The following ADAMTS2 variants were observed in gnomAD, a reference collection of about 807,000 sequenced individuals.
ADAMTS2 encodes A disintegrin and metalloproteinase with thrombospondin motifs 2.
In ADAMTS2, 50 loss-of-function variants were observed where a neutral mutation model predicts 123.0. The observed-to-expected ratio is 0.41, with a 90% CI of 0.32 to 0.51. ADAMTS2 has a LOEUF of 0.51. Among genes scored for constraint, ADAMTS2 ranks in the 20% least tolerant of loss-of-function variants. The pLI is 0.35. For missense variants in ADAMTS2, 1,494 were observed against 1,705.2 expected (o/e 0.88, Z 2.18); for synonymous variants, 678 against 695.4 (o/e 0.98, Z 0.39).
At position 179,115,239 on chromosome 5, in the gene ADAMTS2, C is replaced by A. The variant is rs1021199930; in HGVS notation, c.3179-915G>T. ...CCTGGCCCATCTCGACCTCTGTCTG[C>A]GGCTATGTTCATTCAACCCATCAAC... is the stretch of plus-strand genomic sequence containing the variant. On this transcript the variant is annotated intron_variant, in intron 21 of 21. Coordinates refer to ENST00000251582, the MANE Select transcript of ADAMTS2 (RefSeq NM_014244.5). This position sits in a 1 kb window ranked among gnomAD's most constrained non-coding sequence, Gnocchi z 4.4. Among the ~76,000 whole-genome samples, 2 of 152,132 alleles carry A rather than the reference C, an allele frequency of 1.3e-5. No homozygotes were observed. The highest frequency in any genetic ancestry group is 2.9e-5 in the Non-Finnish European group (2 of 68,032).
chr5:179,112,009 C>CCAT lies in ADAMTS2; in HGVS notation c.*1855_*1857dup, dbSNP rs1331706989. 1.3e-5 allele frequency: 2 copies of CCAT among 152,346 alleles called. No homozygotes were observed. Among genetic ancestry groups the CCAT allele is most frequent in the Non-Finnish European group, 2.9e-5 (2 of 68,096 alleles). 9.4% of individuals were successfully genotyped at this position (152,346 alleles called of 1,614,324 possible). On this transcript the variant is annotated 3_prime_UTR_variant, in exon 22 of 22. Coordinates refer to ENST00000251582, the MANE Select transcript of ADAMTS2 (RefSeq NM_014244.5). Reference sequence around the variant, plus strand: ...GCGGTGGTGGAGGGCGGGAGGCTAGCCATCACCCAGGTGGAGACTGAAGCA... The same window carrying CCAT: ...GCGGTGGTGGAGGGCGGGAGGCTAGCCATCATCACCCAGGTGGAGACTGAAGCA...
At chr5:179,222,135 T>A (rs994071745) in intron 3 of ADAMTS2, among the ~76,000 whole-genome samples, 9 of 152,100 alleles carry the variant, frequency 5.9e-5, no homozygotes, top group African/African-American at 2.2e-4. Flanking sequence ...TCCAGAAGCC[T>A]GAGTTTGGGG....
chr5:179,214,304 G>C (rs979592486), intron 3 of ADAMTS2, among the ~76,000 whole-genome samples: 5 of 151,894 alleles, frequency 3.3e-5, no homozygotes, highest in African/African-American at 7.3e-5. Context: ...CCATTACTGA[G>C]ACAAAATCAG....
chr5:179,188,798 G>C lies in ADAMTS2; in HGVS notation c.892-7643C>G, dbSNP rs1162616467. ...TGCAGATGCCTCAGGGTGGGGACGG[G>C]GCTCCTCCACTTCCAGGCCAGCTCA... On this transcript the variant is annotated intron_variant, in intron 4 of 21. Transcript: ENST00000251582. The surrounding 1 kb of genome is among the most constrained non-coding windows in gnomAD (Gnocchi z 5.1). Among the ~76,000 whole-genome samples, 1 of 152,092 alleles carries C rather than the reference G, an allele frequency of 6.6e-6. No homozygotes were observed. Among genetic ancestry groups the C allele is most frequent in the Non-Finnish European group, 1.5e-5 (1 of 68,010 alleles).
chr5:179,243,383 T>C (rs942831900), intron 3 of ADAMTS2, among the ~76,000 whole-genome samples: 4 of 152,032 alleles, frequency 2.6e-5, no homozygotes, highest in Non-Finnish European at 5.9e-5. Context: ...AACAGACAGA[T>C]CAGAGAAAGG....
rs1043375871 is a variant in ADAMTS2, at chr5:179,128,542, G to A, written c.2458-424C>T. 3.9e-5 allele frequency among the ~76,000 whole-genome samples: 6 copies of A among 152,010 alleles called. No individual in the cohort carries two copies. The highest frequency in any genetic ancestry group is 5.9e-5 in the Non-Finnish European group (4 of 68,008). On this transcript the variant is annotated intron_variant, in intron 16 of 21. Coordinates refer to ENST00000251582, the MANE Select transcript of ADAMTS2 (RefSeq NM_014244.5). This position sits in a 1 kb window ranked among gnomAD's most constrained non-coding sequence, Gnocchi z 4.9. ...TGAGTAGCTGGGATTACAGGCGCCCGCCACCACGCCTGGCTAATTTTTGTA... is the reference window on the plus strand; with the variant it reads ...TGAGTAGCTGGGATTACAGGCGCCCACCACCACGCCTGGCTAATTTTTGTA...
At position 179,345,340 on chromosome 5, in the gene ADAMTS2, T is replaced by TGCAGCCGGGGCCCCGCACTC; in HGVS notation, c.-32_-13dup. 8.9e-7 allele frequency: 1 copy of TGCAGCCGGGGCCCCGCACTC among 1,129,698 alleles called. No individual in the cohort carries two copies. Among genetic ancestry groups the TGCAGCCGGGGCCCCGCACTC allele is most frequent in the Non-Finnish European group, 1.1e-6 (1 of 922,726 alleles). The allele number at this position is 1,129,698 out of a possible 1,614,324, so 70.0% of individuals were successfully genotyped here. ...GCCGGCGGATCCATGGCAGCCGGAC[T>TGCAGCCGGGGCCCCGCACTC]GCAGCCGGGGCCCCGCACTCGCAGC... On this transcript the variant is annotated 5_prime_UTR_variant, in exon 1 of 22. Transcript: ENST00000251582. The surrounding 1 kb of genome is among the most constrained non-coding windows in gnomAD (Gnocchi z 7.5).
chr5:179,275,266 A>G (rs2113517942), intron 2 of ADAMTS2, among the ~76,000 whole-genome samples: 1 of 152,242 alleles, frequency 6.6e-6, no homozygotes, highest in East Asian at 1.9e-4. Flanking sequence ...GTAATGGTCC[A>G]GACGGGAGCA....
At position 179,114,293 on chromosome 5, in the gene ADAMTS2, G is replaced by T. The variant is rs1445251905; in HGVS notation, c.3210C>A (p.Phe1070Leu). The T allele has an allele frequency of 1.2e-6, 2 of 1,614,010 alleles. No individual in the cohort carries two copies. Among genetic ancestry groups the T allele is most frequent in the African/African-American group, 2.7e-5 (2 of 74,934 alleles). The change falls in exon 22 of 22, where the codon TTC becomes TTA. Residue 1070 changes from phenylalanine to leucine, a missense_variant. Physicochemically the swap from Phe to Leu is conservative, Grantham distance 22. Around this residue, in one of 6 missense-constraint regions of ADAMTS2, gnomAD observed 953 missense variants for 1,124.7 expected, o/e 0.85. Coordinates refer to ENST00000251582, the MANE Select transcript of ADAMTS2 (RefSeq NM_014244.5). ...KGHCQGDKSI[F>L]CRMEVLSRYC... ...AGCGGGACAAGACTTCCATCCTACA[G>T]AATATTGACTTGTCGCCTTGGCAGT...
intron 2 of ADAMTS2, among the ~76,000 whole-genome samples, chr5:179,342,140 A>G (rs753243942): frequency 8.5e-5 from 13 of 152,196 alleles, no homozygotes; most frequent in Non-Finnish European, 1.5e-4. Flanking sequence ...TGAAAAATGA[A>G]TCACCAAATG....
Position 179,121,712 on chromosome 5 carries a change from G to A in ADAMTS2, c.3127C>T (p.Gln1043Ter). ...TCGGGGTCCGGGCGGGACAGCCACT[G>A]AACTACGTAGCTCTTCTTGGAGGGA... ...SDPSKKSYVV[Q>*]WLSRPDPDSP... Residue 1043 changes from glutamine (Q) to a stop codon, truncating the protein, a stop_gained, in exon 21 of 22, where the codon CAG becomes TAG. Transcript: ENST00000251582. LOFTEE classifies it high-confidence loss of function. 1 of 1,594,914 alleles carries A rather than the reference G, an allele frequency of 6.3e-7. No homozygotes were observed. The highest frequency in any genetic ancestry group is 8.5e-7 in the Non-Finnish European group (1 of 1,170,800).
chr5:179,125,195 C>T lies in ADAMTS2; in HGVS notation c.2751-15G>A, dbSNP rs376602983. ...CTGTGACCCACCTGCCAGGGCAGAG[C>T]GGGGCACAGTCAGGCTTCCGCAGCA... On this transcript the variant is annotated splice_polypyrimidine_tract_variant and intron_variant, in intron 18 of 21. Coordinates refer to ENST00000251582, the MANE Select transcript of ADAMTS2 (RefSeq NM_014244.5). The T allele has an allele frequency of 1.6e-4, 251 of 1,610,746 alleles. No individual in the cohort carries two copies. Among genetic ancestry groups the T allele is most frequent in the Non-Finnish European group, 2.0e-4 (240 of 1,179,362 alleles).
In ADAMTS2 at chr5:179,285,940, A is replaced by G. The variant is rs1028186027; in HGVS notation, c.535-12876T>C. Among the ~76,000 whole-genome samples the G allele has an allele frequency of 1.4e-4, 21 of 152,132 alleles. No individual in the cohort carries two copies. The highest frequency in any genetic ancestry group is 9.2e-4 in the Admixed American group (14 of 15,274). On this transcript the variant is annotated intron_variant, in intron 2 of 21. Transcript: ENST00000251582. The surrounding 1 kb of genome is among the most constrained non-coding windows in gnomAD (Gnocchi z 4.9). ...TCAAGATCCTGCCAACAGGCCGGGC[A>G]CGGTGGCTCACGCCTATAATCCTAG...
rs4701069 is a variant in ADAMTS2 at position 179,173,839 on chromosome 5, C to T, written c.975+7233G>A. 2.0e-3 allele frequency among the ~76,000 whole-genome samples: 299 copies of T among 152,206 alleles called. 1 individual carries two copies. Among genetic ancestry groups the T allele is most frequent in the Middle Eastern group, 3.4e-3 (1 of 294 alleles). On this transcript the variant is annotated intron_variant, in intron 5 of 21. Transcript: ENST00000251582. ...CCAGCCTGGCCAACCTGGTGAAACC[C>T]CATCTCTACTAAAAATACAAAAAAT...
intron 3 of ADAMTS2, among the ~76,000 whole-genome samples, chr5:179,217,053 G>C (rs1456318004): frequency 1.3e-5 from 2 of 152,224 alleles, no homozygotes; most frequent in Admixed American, 1.3e-4. Context: ...AACTTGCACA[G>C]GTCTGTAAGG....
At chr5:179,168,921 C>T (rs1043879886) in intron 5 of ADAMTS2, among the ~76,000 whole-genome samples, 1 of 152,182 alleles carries the variant, frequency 6.6e-6, no homozygotes, top group South Asian at 2.1e-4. Flanking sequence ...ACTCCCATAT[C>T]GTTCCAGCAT....
At position 179,311,064 on chromosome 5, in the gene ADAMTS2, G is replaced by T; in HGVS notation, c.534+32703C>A. 1.3e-5 allele frequency among the ~76,000 whole-genome samples: 2 copies of T among 150,710 alleles called. 1 individual carries two copies. Among genetic ancestry groups the T allele is most frequent in the South Asian group, 4.2e-4 (2 of 4,706 alleles). On this transcript the variant is annotated intron_variant, in intron 2 of 21. Coordinates refer to ENST00000251582, the MANE Select transcript of ADAMTS2 (RefSeq NM_014244.5). ...CACCCCCCAACCCACCGAGTGCAGG[G>T]CCCGTTGACTCCTATCTCAACAACA...
chr5:179,186,102 C>T (rs1233335426), intron 4 of ADAMTS2, among the ~76,000 whole-genome samples: 2 of 152,130 alleles, frequency 1.3e-5, no homozygotes, highest in South Asian at 2.1e-4. Flanking sequence ...TGAGCAAGGC[C>T]GTGGTGGGGC....
chr5:179,114,450 C>A, intron 21 of ADAMTS2, 126 bp from the exon 22 acceptor site: 1 of 948,710 alleles, frequency 1.1e-6, no homozygotes, highest in Non-Finnish European at 1.6e-6. Context: ...GCAAGTGAGC[C>A]CAGGCAGAAA....
Sources: gnomAD v4.1 joint callset for allele counts (sites outside exome capture counted in the v4.1 genomes callset) on GRCh38, gnomAD v4.1.1 for gene constraint, gnomAD v4.1.1 regional missense constraint, Gnocchi (gnomAD v3.1) non-coding constraint, MANE v1.5 for transcripts, NCBI Gene and HGNC (gene_info 2026-07-23, HGNC 2026-07-21) for gene names.